The following RETREG3 variants were observed in gnomAD, a reference collection of about 807,000 sequenced individuals.
The protein encoded by RETREG3 is reticulophagy regulator 3.
A neutral mutation model predicts 50.2 loss-of-function variants in RETREG3; 23 were observed. The observed-to-expected ratio is 0.46, with a 90% CI of 0.33 to 0.65. The LOEUF is 0.65. Among genes scored for constraint, RETREG3 ranks in the 30% least tolerant of loss-of-function variants. RETREG3 has a pLI of 0.02. For missense variants in RETREG3, 546 were observed against 598.0 expected, an observed-to-expected ratio of 0.91 and a Z score of 0.91; for synonymous variants, 240 against 234.4, an observed-to-expected ratio of 1.02 and a Z score of -0.22.
intron 8 of RETREG3, 143 bp from the exon 9 acceptor site, chr17:42,582,413 T>C (rs1040645450): frequency 3.5e-5 from 30 of 868,858 alleles, no homozygotes; most frequent in Admixed American, 2.8e-5. Context: ...CCTCCACTTA[T>C]AGGTGGCTGT....
At chr17:42,606,592 C>T (rs2093168285) in intron 1 of RETREG3, among the ~76,000 whole-genome samples, 2 of 147,238 alleles carry the variant, frequency 1.4e-5, no homozygotes, top group South Asian at 4.4e-4. Context: ...CAGAGCGAGA[C>T]TCCATCTCAA....
At chr17:42,601,782 C>T (rs940670883) in intron 1 of RETREG3, among the ~76,000 whole-genome samples, 18 of 150,914 alleles carry the variant, frequency 1.2e-4, no homozygotes, top group Non-Finnish European at 2.7e-4. Context: ...TACAGGCATG[C>T]GCCACCATGC....
At position 42,580,678 on chromosome 17, in the gene RETREG3, T is replaced by TG. The variant is rs1409361313; in HGVS notation, c.*1134dup. On this transcript the variant is annotated 3_prime_UTR_variant, in exon 9 of 9. Coordinates refer to ENST00000309428, the MANE Select transcript of RETREG3 (RefSeq NM_178126.4). ...CCACTGGGGTTCAGGCCCCAAGAAA[T>TG]GATGGGCTAGATGAGAGGGAGCAGG... The TG allele has an allele frequency of 6.6e-6, 1 of 151,212 alleles. No homozygotes were observed. The highest frequency in any genetic ancestry group is 1.5e-5 in the Non-Finnish European group (1 of 67,836). The allele number at this position is 151,212 out of a possible 1,614,324, so 9.4% of individuals were successfully genotyped here.
intron 4 of RETREG3, chr17:42,586,506 A>T (rs1597733777): frequency 2.4e-6 from 1 of 425,308 alleles, no homozygotes; most frequent in East Asian, 4.2e-5. Flanking sequence ...CAGAATGTAC[A>T]CAAGAAAGCT....
At chr17:42,605,076 C>T (rs571395763) in intron 1 of RETREG3, among the ~76,000 whole-genome samples, 3 of 149,318 alleles carry the variant, frequency 2.0e-5, no homozygotes, top group African/African-American at 7.4e-5. Flanking sequence ...ACCATAAATT[C>T]TCTGGTACCT....
chr17:42,591,277 T>C (rs892537068), intron 2 of RETREG3, among the ~76,000 whole-genome samples: 9 of 152,194 alleles, frequency 5.9e-5, no homozygotes, highest in Admixed American at 5.2e-4. Flanking sequence ...TAATTGTCAC[T>C]TAATTTTTCA....
chr17:42,608,961 G>A (rs1263746225), intron 1 of RETREG3, 125 bp downstream of exon 1: 1 of 981,838 alleles, frequency 1.0e-6, no homozygotes, highest in Non-Finnish European at 1.5e-6. Flanking sequence ...AGGAGGTGAG[G>A]CAAAATTAGG....
At chr17:42,586,719 T>G (rs370805346) in intron 4 of RETREG3, 46 bp downstream of exon 4, 302 of 1,602,250 alleles carry the variant, frequency 1.9e-4, no homozygotes, top group Non-Finnish European at 2.5e-4. Context: ...TAGCATGAAC[T>G]GAACTGAGAG....
Position 42,589,472 on chromosome 17 carries a change from G to C in RETREG3, c.347-1608C>G, listed in dbSNP as rs573178025. ...TTTCTGAGACAGGTGTCGCCCTGTT[G>C]TCTTGGCTGGAGTACAGTGGTGCGA... On this transcript the variant is annotated intron_variant, in intron 2 of 8. Transcript: ENST00000309428. Among the ~76,000 whole-genome samples the C allele has an allele frequency of 7.9e-5, 12 of 152,238 alleles. No individual in the cohort carries two copies. The South Asian group carries it at 1.2e-3, about 16-fold the overall frequency.
chr17:42,586,620 G>A (rs1423462432), intron 4 of RETREG3, 145 bp downstream of exon 4: 10 of 1,166,722 alleles, frequency 8.6e-6, no homozygotes, highest in Non-Finnish European at 1.1e-5. Flanking sequence ...TGGTCAGAAG[G>A]CCTTTCCTAT....
intron 1 of RETREG3, among the ~76,000 whole-genome samples, chr17:42,593,868 C>T (rs2093138271): frequency 6.6e-6 from 1 of 151,980 alleles, no homozygotes; most frequent in Non-Finnish European, 1.5e-5. Context: ...CCTTTTTTCC[C>T]CCTAAGTAAC....
At chr17:42,604,623 T>C (rs1200034767) in intron 1 of RETREG3, among the ~76,000 whole-genome samples, 1 of 150,550 alleles carries the variant, frequency 6.6e-6, no homozygotes, top group East Asian at 2.0e-4. Context: ...TGAGCTATGA[T>C]TGTGCCACTG....
intron 8 of RETREG3, 78 bp downstream of exon 8, chr17:42,582,596 C>T (rs557935880): frequency 1.3e-6 from 2 of 1,573,436 alleles, no homozygotes; most frequent in Admixed American, 3.5e-5. Context: ...GGGGCAAGCA[C>T]CAGTATCCCC....
chr17:42,593,372 A>G (rs186170116), intron 1 of RETREG3, among the ~76,000 whole-genome samples: 1 of 152,250 alleles, frequency 6.6e-6, no homozygotes, highest in African/African-American at 2.4e-5. Flanking sequence ...TTTTGAGGCC[A>G]GGCGTGGTGG....
At chr17:42,598,761 G>A (rs1240367635) in intron 1 of RETREG3, 1 of 152,140 alleles carries the variant, frequency 6.6e-6, no homozygotes, top group Admixed American at 6.5e-5. Context: ...TAAAGTTTGT[G>A]TCTTATTTTT....
chr17:42,606,396 G>A (rs561540057), intron 1 of RETREG3, among the ~76,000 whole-genome samples: 1 of 150,628 alleles, frequency 6.6e-6, no homozygotes, highest in South Asian at 2.1e-4. Flanking sequence ...AGGAGATTGA[G>A]ACCATCCTGG....
At chr17:42,599,653 CAAAAA>C (rs71157649) in intron 1 of RETREG3, among the ~76,000 whole-genome samples, 1 of 108,384 alleles carries the variant, frequency 9.2e-6, no homozygotes. Context: ...GGCTCCGTCT[CAAAAA>C]AAAAAAAAAA....
chr17:42,605,087 GAA>G (rs915888098), intron 1 of RETREG3, among the ~76,000 whole-genome samples: 3 of 135,080 alleles, frequency 2.2e-5, no homozygotes, highest in African/African-American at 2.7e-5. Flanking sequence ...TCTGGTACCT[GAA>G]AAAAAAAAAA....
At chr17:42,583,269 A>G (rs2093113887) in intron 7 of RETREG3, among the ~76,000 whole-genome samples, 1 of 152,216 alleles carries the variant, frequency 6.6e-6, no homozygotes, top group African/African-American at 2.4e-5. Flanking sequence ...GAGATACGGA[A>G]GAGCGGTGCT....
Sources: allele counts gnomAD v4.1 joint callset (sites outside exome capture counted in the v4.1 genomes callset), GRCh38; gene constraint gnomAD v4.1.1; transcripts MANE v1.5; gene names NCBI Gene and HGNC (gene_info 2026-07-23, HGNC 2026-07-21).